Variants in RFX4 observed in about 807,000 individuals in gnomAD.
The protein encoded by RFX4 is regulatory factor X4.
In RFX4, 10 loss-of-function variants were observed where a neutral mutation model predicts 95.0. That is an observed-to-expected ratio of 0.11 (90% CI 0.06 to 0.18). The LOEUF is 0.18. Among genes scored for constraint, RFX4 ranks in the 10% least tolerant of loss-of-function variants. RFX4 has a pLI of 1.00. For synonymous variants in RFX4, 321 were observed against 340.7 expected (o/e 0.94, Z 0.64); for missense variants, 640 against 922.0 (o/e 0.69, Z 3.96).
chr12:106,594,874 T>A (rs1308778626), intron 1 of RFX4, among the ~76,000 whole-genome samples: 1 of 150,378 alleles, frequency 6.6e-6, no homozygotes, highest in Non-Finnish European at 1.5e-5. Context: ...AAACAGAGCA[T>A]TTTGAGAAGG....
Position 106,720,989 on chromosome 12 carries a change from C to A in RFX4, c.1351+113C>A. On this transcript the variant is annotated intron_variant, in intron 13 of 17. Coordinates refer to ENST00000392842, the MANE Select transcript of RFX4 (RefSeq NM_213594.3). This position sits in a 1 kb window ranked among gnomAD's most constrained non-coding sequence, Gnocchi z 4.2. ...TTTCTGCAAGGTCATCACCCTGAAA[C>A]ACATCTCTTCTGGGGAGACATGACA... The A allele has an allele frequency of 2.4e-6, 2 of 843,630 alleles. No homozygotes were observed. Among genetic ancestry groups the A allele is most frequent in the Non-Finnish European group, 3.9e-6 (2 of 507,120 alleles). 52.3% of individuals were successfully genotyped at this position (843,630 alleles called of 1,614,324 possible).
chr12:106,668,827 A>T (rs1310488285), intron 4 of RFX4, among the ~76,000 whole-genome samples: 1 of 152,190 alleles, frequency 6.6e-6, no homozygotes, highest in East Asian at 1.9e-4. Context: ...CAATGTGATC[A>T]CTTAAGACTG....
intron 1 of RFX4, among the ~76,000 whole-genome samples, chr12:106,588,768 T>C (rs1004692492): frequency 1.3e-5 from 2 of 152,222 alleles, no homozygotes; most frequent in Non-Finnish European, 2.9e-5. Context: ...TCAAATCTTC[T>C]GGGTACTTTG....
chr12:106,689,412 G>A (rs781419998), intron 7 of RFX4, 48 bp downstream of exon 7: 5 of 1,453,172 alleles, frequency 3.4e-6, no homozygotes, highest in African/African-American at 1.4e-5. Flanking sequence ...TAAAAATCTT[G>A]TAACACTAGC....
intron 2 of RFX4, among the ~76,000 whole-genome samples, chr12:106,611,426 G>A (rs1227697069): frequency 1.3e-5 from 2 of 150,322 alleles, no homozygotes; most frequent in Non-Finnish European, 3.0e-5. Flanking sequence ...TTTTCTGAGA[G>A]TTTTACAGTT....
chr12:106,657,768 C>T (rs1416185832), intron 4 of RFX4, among the ~76,000 whole-genome samples: 2 of 152,134 alleles, frequency 1.3e-5, no homozygotes, highest in Non-Finnish European at 2.9e-5. Flanking sequence ...TCAAATAAAT[C>T]ATCATTCTCT....
At chr12:106,697,867 G>A (rs2041911129) in intron 8 of RFX4, among the ~76,000 whole-genome samples, 1 of 152,070 alleles carries the variant, frequency 6.6e-6, no homozygotes, top group Non-Finnish European at 1.5e-5. Context: ...TGACCTTAAG[G>A]GGAAAGCATT....
intron 8 of RFX4, among the ~76,000 whole-genome samples, chr12:106,705,825 C>T (rs2042073833): frequency 6.6e-6 from 1 of 152,164 alleles, no homozygotes; most frequent in Admixed American, 6.5e-5. Flanking sequence ...TTACACTTCA[C>T]TTAACAAGCA....
chr12:106,664,368 T>G (rs1230990101), intron 4 of RFX4, among the ~76,000 whole-genome samples: 3 of 151,974 alleles, frequency 2.0e-5, no homozygotes, highest in Admixed American at 6.6e-5. Flanking sequence ...TCCTTTATTA[T>G]CCTTATAATG....
At chr12:106,732,009 G>C (rs1318002243) in intron 13 of RFX4, 121 bp from the exon 14 acceptor site, 1 of 1,406,756 alleles carries the variant, frequency 7.1e-7, no homozygotes, top group Non-Finnish European at 9.7e-7. Context: ...ATAATTGAGT[G>C]GAAAATTAGA....
At chr12:106,601,218 T>C in intron 1 of RFX4, 1 of 1,547,132 alleles carries the variant, frequency 6.5e-7, no homozygotes, top group Non-Finnish European at 8.7e-7. Context: ...CAAACTCCTG[T>C]GTGTCGCCAC....
intron 8 of RFX4, among the ~76,000 whole-genome samples, chr12:106,707,320 G>A (rs1288188273): frequency 1.3e-5 from 2 of 152,112 alleles, no homozygotes; most frequent in Non-Finnish European, 2.9e-5. Context: ...AAAGTTAAGT[G>A]CAGACAGTGA....
At chr12:106,642,254 C>T (rs1452664718) in intron 3 of RFX4, among the ~76,000 whole-genome samples, 2 of 150,600 alleles carry the variant, frequency 1.3e-5, no homozygotes, top group African/African-American at 2.4e-5. Context: ...ATGTGATCCA[C>T]CTTCCTCAGC....
intron 4 of RFX4, among the ~76,000 whole-genome samples, chr12:106,670,162 T>TC (rs1194583486): frequency 1.3e-5 from 2 of 152,174 alleles, no homozygotes; most frequent in Non-Finnish European, 2.9e-5. Context: ...CACTAACATA[T>TC]CAGTGTTCCA....
At chr12:106,645,041 C>A (rs186498736) in intron 3 of RFX4, among the ~76,000 whole-genome samples, 223 of 152,200 alleles carry the variant, frequency 1.5e-3, no homozygotes, top group African/African-American at 5.0e-3. Flanking sequence ...ACCCCCTCCC[C>A]CTCCCCCTAG....
chr12:106,669,220 A>C (rs2041234475), intron 4 of RFX4, among the ~76,000 whole-genome samples: 2 of 152,194 alleles, frequency 1.3e-5, no homozygotes, highest in South Asian at 4.1e-4. Context: ...ATTTGGTGGC[A>C]GGTCTCCCCC....
chr12:106,700,809 A>AT lies in RFX4; in HGVS notation c.833+4368dup, dbSNP rs748348014. On this transcript the variant is annotated intron_variant, in intron 8 of 17. Coordinates refer to ENST00000392842, the MANE Select transcript of RFX4 (RefSeq NM_213594.3). ...CAGTATACTCCCTATTTGTCCTCCC[A>AT]TTTTTATGCTATTGTTGTCATACAT... is the stretch of plus-strand genomic sequence containing the variant. 6.6e-5 allele frequency among the ~76,000 whole-genome samples: 10 copies of AT among 152,188 alleles called. No individual in the cohort carries two copies. The South Asian group carries it at 2.1e-3, about 32-fold the overall frequency.
intron 2 of RFX4, among the ~76,000 whole-genome samples, chr12:106,609,905 A>G (rs1202656591): frequency 6.6e-6 from 1 of 152,106 alleles, no homozygotes; most frequent in African/African-American, 2.4e-5. Flanking sequence ...TTAAAACTTC[A>G]TGTAAATGGG....
At chr12:106,616,092 T>G (rs1239586354) in intron 2 of RFX4, among the ~76,000 whole-genome samples, 1 of 152,226 alleles carries the variant, frequency 6.6e-6, no homozygotes, top group African/African-American at 2.4e-5. Context: ...ATGTTTGCTG[T>G]GGATTTTTGT....
Sources: allele counts gnomAD v4.1 joint callset (sites outside exome capture counted in the v4.1 genomes callset), GRCh38; gene constraint gnomAD v4.1.1; non-coding constraint Gnocchi (gnomAD v3.1); transcripts MANE v1.5; gene names NCBI Gene and HGNC (gene_info 2026-07-23, HGNC 2026-07-21).